Variants in EDN1 observed in about 807,000 individuals in gnomAD.
EDN1 encodes endothelin 1.
A neutral mutation model predicts 21.7 loss-of-function variants in EDN1; 11 were observed. The observed-to-expected ratio is 0.51, with a 90% confidence interval of 0.32 to 0.84. The LOEUF is 0.84. EDN1 is among the 40% of genes least tolerant of loss of function. The probability of loss-of-function intolerance (pLI) is 0.03; values close to 1 mark genes in which losing one functional copy is unlikely to be tolerated. For synonymous variants in EDN1, 85 were observed against 90.6 expected, an observed-to-expected ratio of 0.94 and a Z score of 0.35; for missense variants, 244 against 262.3, an observed-to-expected ratio of 0.93 and a Z score of 0.48.
chr6:12,252,031 GGCA>G, the EDN1 span, among the ~76,000 whole-genome samples: 1 of 152,088 alleles, frequency 6.6e-6, no homozygotes, highest in Non-Finnish European at 1.5e-5. Flanking sequence ...TAGAACATTG[GGCA>G]GCAAGTTCCT....
the EDN1 span, among the ~76,000 whole-genome samples, chr6:12,234,488 T>C: frequency 1.3e-5 from 2 of 152,208 alleles, no homozygotes; most frequent in Non-Finnish European, 2.9e-5. Flanking sequence ...TACTTCAACT[T>C]TTAAGTGAGG....
the EDN1 span, among the ~76,000 whole-genome samples, chr6:12,238,898 AAT>A: frequency 6.6e-6 from 1 of 152,238 alleles, no homozygotes; most frequent in Non-Finnish European, 1.5e-5. Context: ...TTGGTGTATA[AAT>A]ATATACAGCA....
the EDN1 span, among the ~76,000 whole-genome samples, chr6:12,243,358 CAG>C: frequency 6.7e-6 from 1 of 148,574 alleles, no homozygotes; most frequent in Non-Finnish European, 1.5e-5. Flanking sequence ...CTTGATGTCT[CAG>C]GGGCGGCAGA....
At chr6:12,260,684 GC>G in the EDN1 span, among the ~76,000 whole-genome samples, 1 of 151,848 alleles carries the variant, frequency 6.6e-6, no homozygotes, top group Non-Finnish European at 1.5e-5. Flanking sequence ...ACTGTCTTTT[GC>G]CCCCCTGTCC....
chr6:12,241,990 A>G, the EDN1 span, among the ~76,000 whole-genome samples: 2 of 152,228 alleles, frequency 1.3e-5, no homozygotes, highest in African/African-American at 2.4e-5. Flanking sequence ...AAGTTAAACC[A>G]TAACCCCGTT....
upstream of EDN1, among the ~76,000 whole-genome samples, chr6:12,286,137 C>A (rs189650819): frequency 7.9e-5 from 12 of 152,268 alleles, no homozygotes; most frequent in African/African-American, 2.9e-4. Context: ...AATTGTGAAG[C>A]AGTTTAATGA....
At chr6:12,277,926 G>T in the EDN1 span, among the ~76,000 whole-genome samples, 1 of 152,248 alleles carries the variant, frequency 6.6e-6, no homozygotes, top group African/African-American at 2.4e-5. Flanking sequence ...GGCATCATTT[G>T]TAGGACAAGC....
chr6:12,290,218 C>T (rs928691336), upstream of EDN1: 5 of 223,332 alleles, frequency 2.2e-5, no homozygotes, highest in Non-Finnish European at 4.5e-5. Context: ...TCCTTTCGGG[C>T]CTGGCCTTAT....
the EDN1 span, among the ~76,000 whole-genome samples, chr6:12,278,686 G>T: frequency 2.6e-5 from 4 of 152,242 alleles, no homozygotes; most frequent in African/African-American, 7.2e-5. Context: ...GAGGTCAGGA[G>T]TTCGAGACCT....
chr6:12,282,178 C>T, the EDN1 span, among the ~76,000 whole-genome samples: 232 of 152,262 alleles, frequency 1.5e-3, 1 homozygote, highest in East Asian at 0.042. Flanking sequence ...TAGAATGTTC[C>T]TTGAAAGGGG....
the EDN1 span, among the ~76,000 whole-genome samples, chr6:12,243,922 GTATT>G: frequency 6.6e-5 from 10 of 152,094 alleles, no homozygotes; most frequent in African/African-American, 2.2e-4. Context: ...AATTGAGAAA[GTATT>G]TAGTTACTCG....
At chr6:12,294,780 G>A (rs1762779358) in intron 4 of EDN1, among the ~76,000 whole-genome samples, 1 of 152,080 alleles carries the variant, frequency 6.6e-6, no homozygotes, top group African/African-American at 2.4e-5. Flanking sequence ...TTGGGGAGCG[G>A]ACATTTAGAA....
At chr6:12,259,982 T>G in the EDN1 span, among the ~76,000 whole-genome samples, 1 of 151,882 alleles carries the variant, frequency 6.6e-6, no homozygotes, top group Non-Finnish European at 1.5e-5. Context: ...CCTATAGAAA[T>G]AAATACTGGT....
chr6:12,272,194 G>T, the EDN1 span, among the ~76,000 whole-genome samples: 1 of 152,104 alleles, frequency 6.6e-6, no homozygotes, highest in Non-Finnish European at 1.5e-5. Flanking sequence ...ACTGGTCACT[G>T]CTTGATAAAA....
the EDN1 span, among the ~76,000 whole-genome samples, chr6:12,271,033 G>A: frequency 1.3e-5 from 2 of 151,958 alleles, no homozygotes; most frequent in Non-Finnish European, 2.9e-5. Context: ...CATGGAATAT[G>A]AGCTTCCATC....
the EDN1 span, among the ~76,000 whole-genome samples, chr6:12,279,227 T>G: frequency 5.9e-5 from 9 of 152,334 alleles, no homozygotes; most frequent in South Asian, 1.9e-3. Flanking sequence ...TATTTACTAG[T>G]GTAAATCCTA....
the EDN1 span, among the ~76,000 whole-genome samples, chr6:12,264,175 C>T: frequency 6.6e-6 from 1 of 152,136 alleles, no homozygotes; most frequent in Non-Finnish European, 1.5e-5. Flanking sequence ...ATCCCAATGG[C>T]TCTAGTAAGA....
chr6:12,241,706 T>C, the EDN1 span, among the ~76,000 whole-genome samples: 1 of 152,248 alleles, frequency 6.6e-6, no homozygotes, highest in Admixed American at 6.5e-5. Context: ...TATGGTTTTC[T>C]TCTCTTACTC....
chr6:12,231,073 G>A, the EDN1 span, among the ~76,000 whole-genome samples: 1 of 152,174 alleles, frequency 6.6e-6, no homozygotes, highest in Non-Finnish European at 1.5e-5. Flanking sequence ...TACTATGTAA[G>A]TGTAATTATA....
Sources: allele counts gnomAD v4.1 joint callset (sites outside exome capture counted in the v4.1 genomes callset), GRCh38; gene constraint gnomAD v4.1.1; transcripts MANE v1.5; gene names NCBI Gene and HGNC (gene_info 2026-07-23, HGNC 2026-07-21).